RAB11FIP2: variants seen among roughly 807,000 people sequenced by gnomAD.
RAB11FIP2 encodes rab11 family-interacting protein 2.
A neutral mutation model predicts 40.9 loss-of-function variants in RAB11FIP2; 16 were observed. The ratio of observed to expected loss-of-function variants is 0.39; its 90% CI spans 0.26 to 0.59. The LOEUF (loss-of-function observed/expected upper bound fraction) is 0.59. Among genes scored for constraint, RAB11FIP2 ranks in the 20% least tolerant of loss-of-function variants. The probability of loss-of-function intolerance (pLI) is 0.53; values close to 1 mark genes in which losing one functional copy is unlikely to be tolerated. For missense variants in RAB11FIP2, 532 were observed against 606.2 expected (o/e 0.88, Z 1.28); for synonymous variants, 228 against 213.7 (o/e 1.07, Z -0.58).
In RAB11FIP2 at chr10:118,040,276, A is replaced by G; in HGVS notation, c.643T>C (p.Phe215Leu). Residue 215 changes from phenylalanine to leucine, a missense_variant, in exon 2 of 5, where the codon TTT (phenylalanine) becomes CTT (leucine). By Grantham distance (22) the Phe-to-Leu change is conservative (BLOSUM62 0). Transcript: ENST00000355624. Reference sequence around the variant, plus strand: ...GAGAGTCGCTGAGGACCCAAGAGAAAAGGCTTTTTTGGTTTGGATTTCATC... The same window carrying G: ...GAGAGTCGCTGAGGACCCAAGAGAAGAGGCTTTTTTGGTTTGGATTTCATC... ...IQMKSKPKKPFLLGPQRLSSA... is the reference protein window; with the variant it reads ...IQMKSKPKKPLLLGPQRLSSA... 1 of 1,613,934 alleles carries G rather than the reference A, an allele frequency of 6.2e-7. No homozygotes were observed. The highest frequency in any genetic ancestry group is 8.5e-7 in the Non-Finnish European group (1 of 1,179,844).
At chr10:118,039,918 A>G (rs1846533172) in intron 2 of RAB11FIP2, 1 of 510,880 alleles carries the variant, frequency 2.0e-6, no homozygotes, top group Non-Finnish European at 3.4e-6. Context: ...TTATCATCTA[A>G]TAATATAAAT....
chr10:118,045,939 T>TC lies in RAB11FIP2; in HGVS notation c.224dup (p.Ser76LysfsTer21). 1 of 1,614,216 alleles carries TC rather than the reference T, an allele frequency of 6.2e-7. No homozygotes were observed. Among genetic ancestry groups the TC allele is most frequent in the Non-Finnish European group, 8.5e-7 (1 of 1,180,036 alleles). ...GGAAAAGAATGTATTTCTCTGGACT[T>TC]CCCTGAATTAGCAATCCAGGTAGCT... On this transcript the variant is annotated frameshift_variant, in exon 1 of 5. Coordinates refer to ENST00000355624, the MANE Select transcript of RAB11FIP2 (RefSeq NM_014904.3). LOFTEE classifies it high-confidence loss of function.
intron 3 of RAB11FIP2, among the ~76,000 whole-genome samples, chr10:118,037,980 C>T (rs1025875406): frequency 1.3e-5 from 2 of 151,984 alleles, no homozygotes; most frequent in South Asian, 4.1e-4. Context: ...AGTTGTTACA[C>T]TGTACTGTTT....
At chr10:118,034,109 C>T (rs150201255) in intron 3 of RAB11FIP2, 15 of 695,098 alleles carry the variant, frequency 2.2e-5, no homozygotes, top group Admixed American at 1.6e-4. Flanking sequence ...AACTACTCAA[C>T]GCTACCACCG....
chr10:118,024,470 C>CGTGT (rs55723398), intron 3 of RAB11FIP2, among the ~76,000 whole-genome samples: 16,626 of 131,554 alleles, frequency 0.13, 1,202 homozygotes, highest in Admixed American at 0.19. Flanking sequence ...TCATCATCAT[C>CGTGT]GTGTGTGTGT....
At chr10:118,030,844 CA>C (rs566851511) in intron 3 of RAB11FIP2, among the ~76,000 whole-genome samples, 347 of 152,128 alleles carry the variant, frequency 2.3e-3, no homozygotes, top group Admixed American at 3.7e-3. Flanking sequence ...GGAGATACAC[CA>C]ATTAATGAGA....
intron 3 of RAB11FIP2, among the ~76,000 whole-genome samples, chr10:118,036,958 C>CT (rs985691527): frequency 1.1e-4 from 17 of 151,822 alleles, no homozygotes; most frequent in African/African-American, 3.6e-4. Context: ...ACTCAATAAG[C>CT]TTTTTTTTCC....
Position 118,007,142 on chromosome 10 carries a change from G to C in RAB11FIP2, c.*1856C>G, listed in dbSNP as rs572406125. The C allele has an allele frequency of 4.1e-5, 6 of 147,410 alleles. No individual in the cohort carries two copies. Among genetic ancestry groups the C allele is most frequent in the Non-Finnish European group, 9.0e-5 (6 of 66,968 alleles). The allele number at this position is 147,410 out of a possible 1,614,324, so 9.1% of individuals were successfully genotyped here. A position where few individuals can be genotyped will look rare whatever the true frequency, so the allele number is the denominator to read the frequency against. On this transcript the variant is annotated 3_prime_UTR_variant, in exon 5 of 5. Transcript: ENST00000355624. The stretch of plus-strand genomic sequence containing the variant: ...AATGCTGAGAATTTTGTAACATTTA[G>C]TTAATTAAAAGTGGCACCATGTTTA...
chr10:118,029,206 C>G (rs1846382967), intron 3 of RAB11FIP2, among the ~76,000 whole-genome samples: 1 of 152,016 alleles, frequency 6.6e-6, no homozygotes, highest in African/African-American at 2.4e-5. Flanking sequence ...TGTCTCTTCT[C>G]CCTTACCAGT....
chr10:118,045,603 G>A (rs1846618568), intron 1 of RAB11FIP2: 1 of 529,966 alleles, frequency 1.9e-6, no homozygotes, highest in African/African-American at 1.9e-5. Flanking sequence ...TTAACAGAAA[G>A]AATAAGGGAT....
At chr10:118,023,891 C>G (rs766372869) in intron 3 of RAB11FIP2, among the ~76,000 whole-genome samples, 2 of 151,868 alleles carry the variant, frequency 1.3e-5, no homozygotes, top group Non-Finnish European at 2.9e-5. Context: ...GAGTTCAAGA[C>G]CAGCCTGGCC....
chr10:118,008,938 T>G lies in RAB11FIP2; in HGVS notation c.*60A>C. The G allele has an allele frequency of 1.4e-6, 2 of 1,393,356 alleles. No individual in the cohort carries two copies. The highest frequency in any genetic ancestry group is 2.0e-6 in the Non-Finnish European group (2 of 994,358). The allele number at this position is 1,393,356 out of a possible 1,614,324, so 86.3% of individuals were successfully genotyped here. A position where few individuals can be genotyped will look rare whatever the true frequency, so the allele number is the denominator to read the frequency against. Reference sequence around the variant, plus strand: ...GTCTCTTTCAGTAACAAGTTTTTCCTTCCTTCCTTCTTTCTTTCTCTCTCT... The same window carrying G: ...GTCTCTTTCAGTAACAAGTTTTTCCGTCCTTCCTTCTTTCTTTCTCTCTCT... On this transcript the variant is annotated 3_prime_UTR_variant, in exon 5 of 5. Coordinates refer to ENST00000355624, the MANE Select transcript of RAB11FIP2 (RefSeq NM_014904.3).
intron 1 of RAB11FIP2, among the ~76,000 whole-genome samples, chr10:118,043,720 T>C (rs1249109798): frequency 2.0e-5 from 3 of 152,200 alleles, no homozygotes; most frequent in African/African-American, 7.2e-5. Context: ...TAGCTGGTAG[T>C]CCTCATCACT....
intron 1 of RAB11FIP2, among the ~76,000 whole-genome samples, chr10:118,042,547 C>T (rs1190244979): frequency 6.6e-6 from 1 of 152,188 alleles, no homozygotes; most frequent in African/African-American, 2.4e-5. Context: ...CTGCAGGACA[C>T]TGTATTTAAT....
intron 3 of RAB11FIP2, among the ~76,000 whole-genome samples, chr10:118,032,507 CTTAG>C (rs1314678590): frequency 6.6e-6 from 1 of 151,916 alleles, no homozygotes; most frequent in Non-Finnish European, 1.5e-5. Flanking sequence ...TACCCTCTAC[CTTAG>C]TTAGGGACCT....
chr10:118,019,077 T>G (rs911797632), intron 3 of RAB11FIP2, among the ~76,000 whole-genome samples: 1 of 151,952 alleles, frequency 6.6e-6, no homozygotes, highest in African/African-American at 2.4e-5. Context: ...TAAGAGTGCT[T>G]TTATAAGACA....
intron 3 of RAB11FIP2, among the ~76,000 whole-genome samples, chr10:118,037,686 T>C (rs1007041876): frequency 6.6e-6 from 1 of 152,092 alleles, no homozygotes; most frequent in African/African-American, 2.4e-5. Context: ...ATAGCACTTC[T>C]AAGCCAGTAT....
In RAB11FIP2 at chr10:118,021,094, A is replaced by T. The variant is rs531085386; in HGVS notation, c.1266-5984T>A. Among the ~76,000 whole-genome samples the T allele has an allele frequency of 1.3e-4, 20 of 152,038 alleles. 1 individual carries two copies. Among genetic ancestry groups the T allele is most frequent in the Non-Finnish European group, 2.1e-4 (14 of 68,006 alleles). ...ACCCTGCCTACACATACACACACACACAAACTCCTGGCCTTCATTTAACAA... is the reference window on the plus strand; with the variant it reads ...ACCCTGCCTACACATACACACACACTCAAACTCCTGGCCTTCATTTAACAA... On this transcript the variant is annotated intron_variant, in intron 3 of 4. Coordinates refer to ENST00000355624, the MANE Select transcript of RAB11FIP2 (RefSeq NM_014904.3).
intron 4 of RAB11FIP2, among the ~76,000 whole-genome samples, chr10:118,009,770 G>GC (rs1846134023): frequency 6.6e-6 from 1 of 152,122 alleles, no homozygotes; most frequent in Admixed American, 6.6e-5. Flanking sequence ...CTTACAGGAA[G>GC]CCCCATGTGA....
Sources: allele counts gnomAD v4.1 joint callset (sites outside exome capture counted in the v4.1 genomes callset), GRCh38; gene constraint gnomAD v4.1.1; transcripts MANE v1.5; gene names NCBI Gene and HGNC (gene_info 2026-07-23, HGNC 2026-07-21).